The following SLIT2 variants were observed in gnomAD, a reference collection of about 807,000 sequenced individuals.
The protein encoded by SLIT2 is slit homolog 2 protein.
A neutral mutation model predicts 185.7 loss-of-function variants in SLIT2; 41 were observed. That is an observed-to-expected ratio of 0.22 (90% CI 0.17 to 0.29). The LOEUF (loss-of-function observed/expected upper bound fraction) is 0.29. Ranked by LOEUF, SLIT2 falls within the 10% of genes least tolerant of loss-of-function variation. The pLI is 1.00. For missense variants in SLIT2, 1,571 were observed against 1,909.0 expected, an observed-to-expected ratio of 0.82 and a Z score of 3.30; for synonymous variants, 693 against 680.2, an observed-to-expected ratio of 1.02 and a Z score of -0.29.
In SLIT2 at chr4:20,329,877, T is replaced by C. The variant is rs1018143464; in HGVS notation, c.395+60996T>C. Among the ~76,000 whole-genome samples, 4 of 152,070 alleles carry C rather than the reference T, an allele frequency of 2.6e-5. No individual in the cohort carries two copies. The South Asian group carries it at 8.3e-4, about 31-fold the overall frequency. ...ATTGTATCTCAACCATCCTGAGAAG[T>C]ACCATGGGCTAGTTTTCTGAGGCCT... On this transcript the variant is annotated intron_variant, in intron 4 of 36. Transcript: ENST00000504154.
intron 15 of SLIT2, among the ~76,000 whole-genome samples, chr4:20,525,619 T>C (rs959621954): frequency 6.6e-6 from 1 of 152,140 alleles, no homozygotes; most frequent in Non-Finnish European, 1.5e-5. Context: ...TTTTCAATCA[T>C]GAAAATTACT....
intron 4 of SLIT2, among the ~76,000 whole-genome samples, chr4:20,350,981 C>T (rs889476138): frequency 6.6e-5 from 10 of 151,856 alleles, no homozygotes; most frequent in African/African-American, 2.4e-4. Context: ...GGCCATTGTT[C>T]ACAGTAGATC....
chr4:20,268,989 A>T, intron 4 of SLIT2, 108 bp downstream of exon 4: 1 of 706,214 alleles, frequency 1.4e-6, no homozygotes, highest in South Asian at 1.6e-5. Context: ...TCATCAATAG[A>T]TTAATGGATT....
chr4:20,479,583 G>A (rs965660674), intron 5 of SLIT2, among the ~76,000 whole-genome samples: 1 of 151,448 alleles, frequency 6.6e-6, no homozygotes, highest in African/African-American at 2.4e-5. Flanking sequence ...TGAAATAATA[G>A]CATCTCTAAT....
At chr4:20,540,787 T>A (rs1245356605) in intron 19 of SLIT2, among the ~76,000 whole-genome samples, 1 of 152,180 alleles carries the variant, frequency 6.6e-6, no homozygotes, top group African/African-American at 2.4e-5. Context: ...AAATGTGACA[T>A]TTTACATCGA....
chr4:20,451,445 A>G (rs1039519664), intron 4 of SLIT2, among the ~76,000 whole-genome samples: 2 of 152,196 alleles, frequency 1.3e-5, no homozygotes, highest in African/African-American at 2.4e-5. Context: ...AGAAAAGGCT[A>G]TATTGAATTC....
At chr4:20,264,391 C>T (rs540884666) in intron 3 of SLIT2, among the ~76,000 whole-genome samples, 6 of 151,732 alleles carry the variant, frequency 4.0e-5, no homozygotes, top group South Asian at 2.1e-4. Flanking sequence ...AGACCTAGCA[C>T]GCTGCTAAAA....
chr4:20,417,641 C>T (rs894976180), intron 4 of SLIT2, among the ~76,000 whole-genome samples: 2 of 151,640 alleles, frequency 1.3e-5, no homozygotes, highest in Non-Finnish European at 2.9e-5. Flanking sequence ...CCTGCTTCAG[C>T]CTCCCGAGTA....
At chr4:20,423,953 G>A (rs1258060470) in intron 4 of SLIT2, among the ~76,000 whole-genome samples, 3 of 152,046 alleles carry the variant, frequency 2.0e-5, no homozygotes, top group Non-Finnish European at 4.4e-5. Context: ...TATGGTTAAA[G>A]AATCTATTGG....
intron 19 of SLIT2, among the ~76,000 whole-genome samples, chr4:20,540,454 A>G (rs1216102889): frequency 1.3e-5 from 2 of 152,156 alleles, no homozygotes; most frequent in Admixed American, 6.5e-5. Flanking sequence ...CAGCTTAAAA[A>G]TAAAGAGTAT....
chr4:20,374,860 G>T (rs1723891311), intron 4 of SLIT2, among the ~76,000 whole-genome samples: 1 of 152,032 alleles, frequency 6.6e-6, no homozygotes, highest in African/African-American at 2.4e-5. Context: ...ACGTTCACTC[G>T]ATACATTGAT....
At chr4:20,549,474 T>C (rs1723540719) in intron 24 of SLIT2, among the ~76,000 whole-genome samples, 1 of 152,102 alleles carries the variant, frequency 6.6e-6, no homozygotes, top group Non-Finnish European at 1.5e-5. Flanking sequence ...AATTACATAG[T>C]ATATGAAAAC....
intron 15 of SLIT2, among the ~76,000 whole-genome samples, chr4:20,527,448 A>G (rs567947): frequency 0.47 from 71,107 of 151,772 alleles, 16,983 homozygotes; most frequent in Admixed American, 0.51. Flanking sequence ...AACCATGCCC[A>G]GCTAATTTTT....
At chr4:20,586,313 T>G (rs1407925331) in intron 29 of SLIT2, among the ~76,000 whole-genome samples, 1 of 152,088 alleles carries the variant, frequency 6.6e-6, no homozygotes, top group Admixed American at 6.5e-5. Context: ...AAGCAAAAAA[T>G]TACACTAATC....
chr4:20,283,868 C>T (rs1185635666), intron 4 of SLIT2, among the ~76,000 whole-genome samples: 1 of 152,164 alleles, frequency 6.6e-6, no homozygotes, highest in African/African-American at 2.4e-5. Flanking sequence ...TTGGCTCCCT[C>T]TTCTTAAAGA....
intron 4 of SLIT2, among the ~76,000 whole-genome samples, chr4:20,286,634 C>G (rs766968142): frequency 2.0e-5 from 3 of 152,128 alleles, no homozygotes; most frequent in South Asian, 2.1e-4. Flanking sequence ...AACTCTGTCT[C>G]TACTAAAAAT....
chr4:20,341,904 G>C (rs1436019031), intron 4 of SLIT2, among the ~76,000 whole-genome samples: 1 of 152,114 alleles, frequency 6.6e-6, no homozygotes, highest in African/African-American at 2.4e-5. Flanking sequence ...TTGTCAAATA[G>C]GATGTTATAA....
chr4:20,525,719 A>G (rs750609313), intron 15 of SLIT2, among the ~76,000 whole-genome samples: 6 of 152,132 alleles, frequency 3.9e-5, no homozygotes, highest in East Asian at 1.9e-4. Flanking sequence ...CTGCTGAATT[A>G]TATGCAGTTG....
intron 16 of SLIT2, among the ~76,000 whole-genome samples, chr4:20,529,820 T>G (rs1183188514): frequency 6.6e-6 from 1 of 152,198 alleles, no homozygotes; most frequent in Admixed American, 6.5e-5. Flanking sequence ...CAAAACCTCA[T>G]CATTCTCTAA....
Sources: allele counts gnomAD v4.1 joint callset (sites outside exome capture counted in the v4.1 genomes callset), GRCh38; gene constraint gnomAD v4.1.1; transcripts MANE v1.5; gene names NCBI Gene and HGNC (gene_info 2026-07-23, HGNC 2026-07-21).